Variants in HNRNPC observed in about 807,000 individuals in gnomAD.
HNRNPC encodes heterogeneous nuclear ribonucleoproteins C1/C2.
Under a neutral mutation model 33.2 loss-of-function variants are expected in HNRNPC, and 3 were observed. That is an observed-to-expected ratio of 0.09 (90% CI 0.04 to 0.23). The LOEUF is 0.23. Ranked by LOEUF, HNRNPC falls within the 10% of genes least tolerant of loss-of-function variation. The pLI is 1.00. For synonymous variants in HNRNPC, 121 were observed against 126.7 expected (o/e 0.96, Z 0.30); for missense variants, 143 against 366.7 (o/e 0.39, Z 4.98).
At chr14:21,232,522 A>G (rs894574891) in intron 3 of HNRNPC, among the ~76,000 whole-genome samples, 1 of 151,910 alleles carries the variant, frequency 6.6e-6, no homozygotes. Flanking sequence ...GGTACCCAGA[A>G]CCACAGCCTG....
In HNRNPC at chr14:21,226,898, G is replaced by GAAAAAAAA. The variant is rs751786293; in HGVS notation, c.365+3420_365+3421insTTTTTTTT. 3.3e-4 allele frequency among the ~76,000 whole-genome samples: 26 copies of GAAAAAAAA among 78,802 alleles called. 1 individual carries two copies. The highest frequency in any genetic ancestry group is 9.9e-4 in the Admixed American group (9 of 9,124). The allele number at this position is 78,802 out of a possible 152,430, so 51.7% of individuals were successfully genotyped here. ...CATCTCAAAAAAAAAAAAAAAAAGG[G>GAAAAAAAA]GGGGGGGGGACAGTGATTTTTACTC... On this transcript the variant is annotated intron_variant, in intron 5 of 8. Transcript: ENST00000553300.
intron 5 of HNRNPC, among the ~76,000 whole-genome samples, chr14:21,227,537 C>T (rs1267996082): frequency 1.3e-5 from 2 of 152,168 alleles, no homozygotes; most frequent in Non-Finnish European, 2.9e-5. Context: ...TGCTTTTTAC[C>T]GTTCAAAGAA....
chr14:21,269,144 A>C (rs1879526493), intron 1 of HNRNPC, among the ~76,000 whole-genome samples, 154 bp downstream of exon 1: 2 of 152,060 alleles, frequency 1.3e-5, no homozygotes, highest in Non-Finnish European at 2.9e-5. Context: ...AGGCCTATAA[A>C]ACTGCCCCCG....
chr14:21,210,971 A>G lies in HNRNPC; in HGVS notation c.*252T>C, dbSNP rs1366476506. On this transcript the variant is annotated 3_prime_UTR_variant, in exon 9 of 9. Coordinates refer to ENST00000553300, the MANE Select transcript of HNRNPC (RefSeq NM_004500.4). ...TACATCCTTTTTATTGTTAAGTCAT[A>G]AAGAGGTATCAAAATTAAAAGCAAA... 7.4e-6 allele frequency: 4 copies of G among 537,304 alleles called. No homozygotes were observed. Among genetic ancestry groups the G allele is most frequent in the Non-Finnish European group, 1.3e-5 (4 of 301,324 alleles). The allele number at this position is 537,304 out of a possible 1,614,324, so 33.3% of individuals were successfully genotyped here. A position where few individuals can be genotyped will look rare whatever the true frequency, so the allele number is the denominator to read the frequency against.
At chr14:21,212,708 A>C (rs1200810366) in intron 6 of HNRNPC, among the ~76,000 whole-genome samples, 1 of 152,010 alleles carries the variant, frequency 6.6e-6, no homozygotes, top group Non-Finnish European at 1.5e-5. Context: ...ATCCCCGGCA[A>C]ATTTTTTGTA....
intron 5 of HNRNPC, among the ~76,000 whole-genome samples, chr14:21,218,316 T>TCC (rs1892427189): frequency 1.3e-5 from 2 of 152,280 alleles, no homozygotes; most frequent in Admixed American, 1.3e-4. Flanking sequence ...ATACACATAC[T>TCC]CCCATATGTC....
intron 2 of HNRNPC, among the ~76,000 whole-genome samples, chr14:21,244,306 T>C (rs1172344489): frequency 6.6e-6 from 1 of 152,208 alleles, no homozygotes; most frequent in Non-Finnish European, 1.5e-5. Flanking sequence ...GCCCGCAAGT[T>C]CTCTCTATAA....
intron 2 of HNRNPC, among the ~76,000 whole-genome samples, chr14:21,248,995 T>G (rs1896313813): frequency 6.6e-6 from 1 of 152,200 alleles, no homozygotes. Context: ...GACATTGACG[T>G]GGAGGAGCAT....
chr14:21,248,200 C>T (rs76068682), intron 2 of HNRNPC, among the ~76,000 whole-genome samples: 87 of 152,168 alleles, frequency 5.7e-4, no homozygotes, highest in African/African-American at 1.9e-3. Flanking sequence ...AATAAAATAA[C>T]GCCCAGGTAA....
intron 2 of HNRNPC, among the ~76,000 whole-genome samples, chr14:21,241,013 G>A (rs1449257532): frequency 6.6e-6 from 1 of 152,146 alleles, no homozygotes; most frequent in Non-Finnish European, 1.5e-5. Context: ...GCTCACGCCT[G>A]TAATCCCAGC....
In HNRNPC at chr14:21,211,453, C is replaced by G; in HGVS notation, c.751G>C (p.Gly251Arg). 6.2e-7 allele frequency: 1 copy of G among 1,609,536 alleles called. No homozygotes were observed. The highest frequency in any genetic ancestry group is 8.5e-7 in the Non-Finnish European group (1 of 1,177,950). The change falls in exon 8 of 9, where the codon GGG becomes CGG. Residue 251 changes from glycine (G) to arginine (R), a missense_variant. Gly to Arg is a moderately radical substitution (Grantham distance 125, BLOSUM62 -2). Transcript: ENST00000553300. Reference protein sequence around the residue: ...EGGADDSAEEGDLLDDDDNED... With the variant: ...EGGADDSAEERDLLDDDDNED... ...TTATCATCATCATCCAGTAGGTCCCCCTCCTCAGCAGAGTCATCTGCACCC... is the reference window on the plus strand; with the variant it reads ...TTATCATCATCATCCAGTAGGTCCCGCTCCTCAGCAGAGTCATCTGCACCC...
At chr14:21,250,570 T>C (rs961259107) in intron 2 of HNRNPC, among the ~76,000 whole-genome samples, 2 of 152,206 alleles carry the variant, frequency 1.3e-5, no homozygotes, top group African/African-American at 4.8e-5. Context: ...TCAAAGCACG[T>C]ATTTCAGAAC....
intron 5 of HNRNPC, among the ~76,000 whole-genome samples, chr14:21,227,682 T>C (rs775612511): frequency 1.3e-5 from 2 of 152,176 alleles, no homozygotes; most frequent in Non-Finnish European, 2.9e-5. Context: ...ATATATCTCA[T>C]TGTCTCAACT....
intron 2 of HNRNPC, among the ~76,000 whole-genome samples, chr14:21,242,603 G>C (rs954961111): frequency 1.3e-5 from 2 of 152,182 alleles, no homozygotes; most frequent in African/African-American, 2.4e-5. Flanking sequence ...CTTGGTGAGT[G>C]GAGTACAGGA....
rs117010645 is a variant in HNRNPC at position 21,238,823 on chromosome 14, G to A, written c.-36-4594C>T. The stretch of plus-strand genomic sequence containing the variant: ...AAATGGCACTAATTTACATGAACTA[G>A]ATTTAACATTAAGAAATCTGGGGCT... On this transcript the variant is annotated intron_variant, in intron 2 of 8. Coordinates refer to ENST00000553300, the MANE Select transcript of HNRNPC (RefSeq NM_004500.4). 1.4e-3 allele frequency among the ~76,000 whole-genome samples: 217 copies of A among 152,148 alleles called. 1 individual carries two copies. The East Asian group carries it at 0.027, about 19-fold the overall frequency.
At chr14:21,246,634 C>G (rs1896010700) in intron 2 of HNRNPC, among the ~76,000 whole-genome samples, 1 of 151,716 alleles carries the variant, frequency 6.6e-6, no homozygotes, top group Admixed American at 6.6e-5. Context: ...CACAGTACTC[C>G]AAATTTTGAG....
At chr14:21,232,317 T>C (rs1034340807) in intron 3 of HNRNPC, among the ~76,000 whole-genome samples, 2 of 152,178 alleles carry the variant, frequency 1.3e-5, no homozygotes, top group African/African-American at 4.8e-5. Context: ...ATGAGCTTCA[T>C]TTTAATATAC....
At chr14:21,266,020 C>T (rs1013819994) in intron 1 of HNRNPC, among the ~76,000 whole-genome samples, 9 of 152,142 alleles carry the variant, frequency 5.9e-5, no homozygotes, top group Non-Finnish European at 1.5e-5. Flanking sequence ...TTTTAACTAG[C>T]CCTATTGATT....
intron 2 of HNRNPC, 28 bp from the exon 3 acceptor site, chr14:21,234,257 G>A (rs1894421450): frequency 2.0e-6 from 3 of 1,525,898 alleles, no homozygotes; most frequent in East Asian, 2.3e-5. Flanking sequence ...GTATACAGGT[G>A]AACAGATGCT....
Sources: allele counts gnomAD v4.1 joint callset (sites outside exome capture counted in the v4.1 genomes callset), GRCh38; gene constraint gnomAD v4.1.1; transcripts MANE v1.5; gene names NCBI Gene and HGNC (gene_info 2026-07-23, HGNC 2026-07-21).